SFMBT2: variants seen among roughly 807,000 people sequenced by gnomAD.
SFMBT2 encodes scm-like with four MBT domains protein 2.
In SFMBT2, 38 loss-of-function variants were observed where a neutral mutation model predicts 110.1. The ratio of observed to expected loss-of-function variants is 0.35; its 90% CI spans 0.27 to 0.45. The LOEUF (loss-of-function observed/expected upper bound fraction) is 0.45, where lower values mean the gene tolerates loss of function less well. Ranked by LOEUF, SFMBT2 falls within the 20% of genes least tolerant of loss-of-function variation. The probability of loss-of-function intolerance (pLI) is 1.00; values close to 1 mark genes in which losing one functional copy is unlikely to be tolerated. For missense variants in SFMBT2, 1,011 were observed against 1,094.9 expected, an observed-to-expected ratio of 0.92 and a Z score of 1.08; for synonymous variants, 425 against 425.4, an observed-to-expected ratio of 1.00 and a Z score of 0.01.
chr10:7,184,320 G>A (rs1363241999), intron 16 of SFMBT2, among the ~76,000 whole-genome samples: 1 of 152,078 alleles, frequency 6.6e-6, no homozygotes, highest in Non-Finnish European at 1.5e-5. Context: ...CTTTTCCTGT[G>A]GTAGTGAATA....
At chr10:7,198,124 C>T (rs1375619304) in intron 14 of SFMBT2, 1 of 985,242 alleles carries the variant, frequency 1.0e-6, no homozygotes, top group Non-Finnish European at 1.2e-6. Flanking sequence ...TGCCTACAAA[C>T]AATATATGAT....
chr10:7,191,215 T>A (rs1357304747), intron 15 of SFMBT2, among the ~76,000 whole-genome samples: 3 of 151,966 alleles, frequency 2.0e-5, no homozygotes, highest in Non-Finnish European at 4.4e-5. Context: ...TTAAGAAGAG[T>A]CTACACTCAA....
At chr10:7,343,963 T>C (rs879820353) in intron 4 of SFMBT2, among the ~76,000 whole-genome samples, 9 of 152,342 alleles carry the variant, frequency 5.9e-5, no homozygotes, top group Admixed American at 5.9e-4. Flanking sequence ...TATTCATCCC[T>C]AATATTATTC....
chr10:7,181,729 A>C (rs1370914263), intron 16 of SFMBT2, among the ~76,000 whole-genome samples: 1 of 152,202 alleles, frequency 6.6e-6, no homozygotes, highest in African/African-American at 2.4e-5. Flanking sequence ...AACCTGAACC[A>C]ATAAACAGGC....
chr10:7,335,170 T>C (rs541500283), intron 4 of SFMBT2, among the ~76,000 whole-genome samples: 29 of 152,284 alleles, frequency 1.9e-4, no homozygotes, highest in East Asian at 7.7e-4. Context: ...ACGTTCAACA[T>C]GTAGAGAGTT....
At chr10:7,353,076 C>A (rs984980013) in intron 4 of SFMBT2, among the ~76,000 whole-genome samples, 4 of 151,626 alleles carry the variant, frequency 2.6e-5, no homozygotes, top group African/African-American at 2.4e-5. Context: ...CAGAAGACAC[C>A]CTTTGCCAAA....
intron 7 of SFMBT2, among the ~76,000 whole-genome samples, chr10:7,253,236 A>C (rs991625997): frequency 1.3e-5 from 2 of 152,116 alleles, no homozygotes; most frequent in African/African-American, 4.8e-5. Context: ...AGGTAATAGT[A>C]AGGAAACTGC....
At chr10:7,222,289 T>A (rs767462426) in intron 10 of SFMBT2, among the ~76,000 whole-genome samples, 21 of 152,254 alleles carry the variant, frequency 1.4e-4, no homozygotes, top group Non-Finnish European at 2.1e-4. Flanking sequence ...TGATTAAAGC[T>A]GCCATAAACA....
At chr10:7,410,317 G>A (rs746993435) in intron 1 of SFMBT2, among the ~76,000 whole-genome samples, 2 of 152,234 alleles carry the variant, frequency 1.3e-5, no homozygotes, top group South Asian at 2.1e-4. Flanking sequence ...CCCCCATGCC[G>A]GTCTCCGATT....
chr10:7,255,961 A>G (rs1840992252), intron 7 of SFMBT2, among the ~76,000 whole-genome samples: 1 of 152,230 alleles, frequency 6.6e-6, no homozygotes, highest in South Asian at 2.1e-4. Context: ...ATCTGAACCC[A>G]GAGACACGTC....
At chr10:7,315,521 G>C (rs1311425035) in intron 4 of SFMBT2, among the ~76,000 whole-genome samples, 1 of 152,220 alleles carries the variant, frequency 6.6e-6, no homozygotes, top group Non-Finnish European at 1.5e-5. Flanking sequence ...TCAGGCCTCA[G>C]GCTAGGACTG....
chr10:7,232,357 C>T (rs1259940054), intron 9 of SFMBT2, among the ~76,000 whole-genome samples: 1 of 151,974 alleles, frequency 6.6e-6, no homozygotes, highest in African/African-American at 2.4e-5. Flanking sequence ...GGGAACTTAT[C>T]CCATAAAAAT....
At chr10:7,312,813 A>C (rs912290919) in intron 4 of SFMBT2, among the ~76,000 whole-genome samples, 1 of 152,226 alleles carries the variant, frequency 6.6e-6, no homozygotes, top group Non-Finnish European at 1.5e-5. Context: ...TAAAGTGCTG[A>C]AACTGAGATT....
At chr10:7,231,966 T>A (rs1342641012) in intron 9 of SFMBT2, among the ~76,000 whole-genome samples, 2 of 152,104 alleles carry the variant, frequency 1.3e-5, no homozygotes, top group Non-Finnish European at 2.9e-5. Context: ...GAACAAGACG[T>A]ACTAAGGCTT....
chr10:7,292,098 T>C (rs1423152959), intron 4 of SFMBT2: 1 of 154,250 alleles, frequency 6.5e-6, no homozygotes, highest in Non-Finnish European at 1.4e-5. Context: ...ACTTTTTATT[T>C]TTCCCTACCA....
intron 9 of SFMBT2, among the ~76,000 whole-genome samples, chr10:7,228,752 C>T (rs1277467997): frequency 1.7e-3 from 156 of 93,818 alleles, no homozygotes; most frequent in African/African-American, 5.4e-3. Context: ...CTCTCTCTCT[C>T]TCTCTCTCTC....
At chr10:7,373,923 A>G (rs965444499) in intron 2 of SFMBT2, among the ~76,000 whole-genome samples, 4 of 152,142 alleles carry the variant, frequency 2.6e-5, no homozygotes, top group Non-Finnish European at 4.4e-5. Context: ...TAGCTGCTGA[A>G]AAACGGGACA....
intron 12 of SFMBT2, chr10:7,204,604 C>T (rs1309355825): frequency 2.2e-5 from 15 of 686,558 alleles, no homozygotes; most frequent in Middle Eastern, 7.3e-4. Flanking sequence ...ATTAGCCAGG[C>T]GTGGCCAAAG....
chr10:7,196,784 T>C (rs966369049), intron 15 of SFMBT2, among the ~76,000 whole-genome samples: 7 of 152,198 alleles, frequency 4.6e-5, no homozygotes, highest in African/African-American at 1.7e-4. Flanking sequence ...CGGATACGTG[T>C]AAGAAAAGAG....
Sources: gnomAD v4.1 joint callset for allele counts (sites outside exome capture counted in the v4.1 genomes callset) on GRCh38, gnomAD v4.1.1 for gene constraint, MANE v1.5 for transcripts, NCBI Gene and HGNC (gene_info 2026-07-23, HGNC 2026-07-21) for gene names.